The following CDYL2 variants were observed in gnomAD, a reference collection of about 807,000 sequenced individuals.
CDYL2 encodes chromodomain Y like 2, also known as chromodomain Y-like protein 2.
Under a neutral mutation model 49.4 loss-of-function variants are expected in CDYL2, and 23 were observed. The ratio of observed to expected loss-of-function variants is 0.47; its 90% confidence interval spans 0.34 to 0.66. The LOEUF is 0.66. Ranked by LOEUF, CDYL2 falls within the 30% of genes least tolerant of loss-of-function variation. The pLI is 0.01. For synonymous variants in CDYL2, 360 were observed against 268.8 expected (o/e 1.34, Z -3.32); for missense variants, 678 against 656.4 (o/e 1.03, Z -0.36).
chr16:80,764,640 G>C (rs542696505), intron 1 of CDYL2, among the ~76,000 whole-genome samples: 2 of 152,310 alleles, frequency 1.3e-5, no homozygotes, highest in East Asian at 1.9e-4. Flanking sequence ...ACTGTCATGA[G>C]ATACTAGCAT....
intron 2 of CDYL2, among the ~76,000 whole-genome samples, chr16:80,646,731 G>C (rs1435776842): frequency 6.6e-6 from 1 of 152,150 alleles, no homozygotes; most frequent in Non-Finnish European, 1.5e-5. Flanking sequence ...AGAGGTTGCA[G>C]TGAGCCAAGA....
At chr16:80,750,997 G>A (rs1360642658) in intron 1 of CDYL2, among the ~76,000 whole-genome samples, 1 of 150,744 alleles carries the variant, frequency 6.6e-6, no homozygotes, top group Admixed American at 6.6e-5. Flanking sequence ...TCCAGCCTGG[G>A]CGACAGAGTG....
At chr16:80,643,725 G>A (rs1318897534) in intron 2 of CDYL2, among the ~76,000 whole-genome samples, 1 of 152,218 alleles carries the variant, frequency 6.6e-6, no homozygotes, top group East Asian at 1.9e-4. Flanking sequence ...CTGTATGTTG[G>A]CCCCTTTCAG....
intron 2 of CDYL2, among the ~76,000 whole-genome samples, chr16:80,634,237 G>C (rs1047323459): frequency 3.9e-5 from 6 of 152,160 alleles, no homozygotes; most frequent in Non-Finnish European, 7.3e-5. Flanking sequence ...CTCACACTTG[G>C]AAAGAACCCA....
At chr16:80,645,263 A>C (rs1344259662) in intron 2 of CDYL2, among the ~76,000 whole-genome samples, 2 of 152,216 alleles carry the variant, frequency 1.3e-5, no homozygotes, top group East Asian at 3.9e-4. Flanking sequence ...TAATATCCAG[A>C]ATCTACAAAG....
chr16:80,624,769 G>A lies in CDYL2; in HGVS notation c.835-3834C>T, dbSNP rs1007214813. ...GAGAATATGGGGAAAAAATAGATTTGAGGAGAAAAAGAAACTTCTGGAAAT... is the reference window on the plus strand; with the variant it reads ...GAGAATATGGGGAAAAAATAGATTTAAGGAGAAAAAGAAACTTCTGGAAAT... On this transcript the variant is annotated intron_variant, in intron 3 of 6. Coordinates refer to ENST00000570137, the MANE Select transcript of CDYL2 (RefSeq NM_152342.4). Among the ~76,000 whole-genome samples, 4 of 152,308 alleles carry A rather than the reference G, an allele frequency of 2.6e-5. No individual in the cohort carries two copies. The South Asian group carries it at 8.3e-4, about 32-fold the overall frequency.
intron 1 of CDYL2, among the ~76,000 whole-genome samples, chr16:80,799,562 T>C (rs1423225794): frequency 6.6e-6 from 1 of 152,210 alleles, no homozygotes; most frequent in African/African-American, 2.4e-5. Flanking sequence ...CAAATCTTGG[T>C]AATCTAAATG....
intron 2 of CDYL2, among the ~76,000 whole-genome samples, chr16:80,656,972 G>C (rs777457941): frequency 1.3e-5 from 2 of 152,296 alleles, no homozygotes; most frequent in Admixed American, 1.3e-4. Context: ...TGATATCCAC[G>C]GCTAAGGCTT....
intron 3 of CDYL2, among the ~76,000 whole-genome samples, chr16:80,621,867 T>C (rs1286382726): frequency 8.5e-5 from 13 of 152,128 alleles, no homozygotes; most frequent in African/African-American, 3.1e-4. Flanking sequence ...ATTTGGGAGA[T>C]AGACACAGGT....
chr16:80,762,911 A>G (rs1906582129), intron 1 of CDYL2, among the ~76,000 whole-genome samples: 1 of 152,220 alleles, frequency 6.6e-6, no homozygotes, highest in Non-Finnish European at 1.5e-5. Flanking sequence ...GAGCTACAGT[A>G]CTGCTGGCCA....
upstream of CDYL2, among the ~76,000 whole-genome samples, chr16:80,804,764 G>A (rs1256106769): frequency 2.7e-5 from 4 of 150,344 alleles, no homozygotes; most frequent in South Asian, 2.1e-4. Flanking sequence ...CCCCCGGGGG[G>A]CGGCGGGCCA....
intron 2 of CDYL2, among the ~76,000 whole-genome samples, chr16:80,648,326 C>A (rs1908440492): frequency 6.6e-6 from 1 of 151,994 alleles, no homozygotes; most frequent in Admixed American, 6.6e-5. Context: ...GACCTTTTAA[C>A]TGATACTGCA....
At chr16:80,618,096 T>C (rs1371857578) in intron 4 of CDYL2, among the ~76,000 whole-genome samples, 1 of 152,206 alleles carries the variant, frequency 6.6e-6, no homozygotes, top group Non-Finnish European at 1.5e-5. Context: ...GTTCATGAAC[T>C]AGCAACTTCT....
At chr16:80,750,122 T>C (rs545824610) in intron 1 of CDYL2, among the ~76,000 whole-genome samples, 1 of 152,102 alleles carries the variant, frequency 6.6e-6, no homozygotes, top group Admixed American at 6.5e-5. Flanking sequence ...CATTAGGATA[T>C]ATACCTAATG....
chr16:80,728,786 G>A (rs567022326), intron 1 of CDYL2, among the ~76,000 whole-genome samples: 276 of 152,128 alleles, frequency 1.8e-3, no homozygotes, highest in African/African-American at 6.4e-3. Flanking sequence ...AAGAGAGTGG[G>A]GGCCAATATT....
At chr16:80,674,630 T>C (rs1221840225) in intron 2 of CDYL2, among the ~76,000 whole-genome samples, 1 of 152,210 alleles carries the variant, frequency 6.6e-6, no homozygotes, top group Non-Finnish European at 1.5e-5. Flanking sequence ...CTCCTCCCCT[T>C]AGCCCCTGGC....
chr16:80,751,186 C>A (rs1462610815), intron 1 of CDYL2, among the ~76,000 whole-genome samples: 1 of 152,148 alleles, frequency 6.6e-6, no homozygotes, highest in Non-Finnish European at 1.5e-5. Context: ...AAACTTTAGA[C>A]CTCCACTTCC....
intron 1 of CDYL2, among the ~76,000 whole-genome samples, chr16:80,720,413 T>C (rs746078320): frequency 6.6e-6 from 1 of 152,172 alleles, no homozygotes; most frequent in Non-Finnish European, 1.5e-5. Context: ...AATGACCAGG[T>C]AGAGCAAAAA....
At chr16:80,712,587 G>A (rs1437862242) in intron 1 of CDYL2, among the ~76,000 whole-genome samples, 1 of 152,040 alleles carries the variant, frequency 6.6e-6, no homozygotes, top group Non-Finnish European at 1.5e-5. Flanking sequence ...GGGAGAAGTG[G>A]GTGGCTGGAG....
Sources: allele counts gnomAD v4.1 joint callset (sites outside exome capture counted in the v4.1 genomes callset), GRCh38; gene constraint gnomAD v4.1.1; transcripts MANE v1.5; gene names NCBI Gene and HGNC (gene_info 2026-07-23, HGNC 2026-07-21).